POU5F1B: variants seen among roughly 807,000 people sequenced by gnomAD.
POU5F1B encodes the protein POU domain, class 5, transcription factor 1B.
A neutral mutation model predicts 28.1 loss-of-function variants in POU5F1B; 24 were observed. The ratio of observed to expected loss-of-function variants is 0.85; its 90% CI spans 0.62 to 1.20. The LOEUF (loss-of-function observed/expected upper bound fraction) is 1.20, where lower values mean the gene tolerates loss of function less well. POU5F1B is among the 50% of genes most tolerant of loss of function. The pLI is 0.00. For synonymous variants in POU5F1B, 220 were observed against 193.2 expected (o/e 1.14, Z -1.15); for missense variants, 451 against 451.5 (o/e 1.00, Z 0.01).
chr8:127,414,414 C>A (rs1218685053), intron 1 of POU5F1B, among the ~76,000 whole-genome samples: 1 of 152,124 alleles, frequency 6.6e-6, no homozygotes, highest in East Asian at 1.9e-4. Flanking sequence ...AAGAGGGTTG[C>A]CACATTATGT....
At chr8:127,415,459 A>G in exon 3 of POU5F1B, 1 of 169,488 alleles carries the variant, frequency 5.9e-6, no homozygotes, top group East Asian at 1.5e-4. Flanking sequence ...AGAATCAGAA[A>G]GAAGGACACA....
Position 127,417,100 on chromosome 8 carries a change from C to A in POU5F1B, c.*154C>A. ...GTGGGGGCAGGGGAGTTTGGGGCAA[C>A]TGGTTGGAGGGAAGGTGAAGTTCAA... On this transcript the variant is annotated 3_prime_UTR_variant, in exon 3 of 3. Coordinates refer to ENST00000465342, the Ensembl canonical transcript of POU5F1B. 4 of 1,068,906 alleles carry A rather than the reference C, an allele frequency of 3.7e-6. No individual in the cohort carries two copies. In the South Asian group the frequency reaches 6.7e-5, roughly 18 times the overall value. The allele number at this position is 1,068,906 out of a possible 1,614,324, so 66.2% of individuals were successfully genotyped here. A position where few individuals can be genotyped will look rare whatever the true frequency, so the allele number is the denominator to read the frequency against.
In POU5F1B at chr8:127,416,094, TG is replaced by T. The variant is rs780624994; in HGVS notation, c.231del (p.Pro78LeufsTer7). 1.1e-4 allele frequency: 182 copies of T among 1,612,976 alleles called. No individual in the cohort carries two copies. The highest frequency in any genetic ancestry group is 1.5e-4 in the Non-Finnish European group (172 of 1,179,790). On this transcript the variant is annotated frameshift_variant, in exon 3 of 3. Transcript: ENST00000465342. LOFTEE classifies it high-confidence loss of function. Reference sequence around the variant, plus strand: ...AGTTATGTGGGGGGATGGCGTACTGTGGGCCTCAGGTTGGAGTGGGGCTAGT... The same window carrying T: ...AGTTATGTGGGGGGATGGCGTACTGTGGCCTCAGGTTGGAGTGGGGCTAGT...
rs547856508 is a variant in POU5F1B at position 127,417,145 on chromosome 8, C to T, written c.*199C>T. 19 of 700,412 alleles carry T rather than the reference C, an allele frequency of 2.7e-5. No individual in the cohort carries two copies. The East Asian group carries it at 5.3e-4, about 20-fold the overall frequency. The allele number at this position is 700,412 out of a possible 1,614,324, so 43.4% of individuals were successfully genotyped here. A position where few individuals can be genotyped will look rare whatever the true frequency, so the allele number is the denominator to read the frequency against. On this transcript the variant is annotated 3_prime_UTR_variant, in exon 3 of 3. Transcript: ENST00000465342. ...GTTCAATGATGCTCTTGATTTTAAT[C>T]CCACATCATGTATCACTTTTTTCTT...
exon 3 of POU5F1B, chr8:127,417,082 C>T: frequency 7.8e-7 from 1 of 1,281,314 alleles, no homozygotes; most frequent in Non-Finnish European, 1.1e-6. Flanking sequence ...AGGGTGGGGG[C>T]AGGGGAGTTT....
exon 3 of POU5F1B, chr8:127,416,756 T>C (rs1425042404): frequency 1.9e-6 from 3 of 1,607,698 alleles, no homozygotes; most frequent in East Asian, 2.2e-5. Context: ...CGAGAGGATT[T>C]TGAGGCTGCT....
At chr8:127,414,238 G>C (rs909445796) in intron 1 of POU5F1B, among the ~76,000 whole-genome samples, 1 of 152,198 alleles carries the variant, frequency 6.6e-6, no homozygotes, top group African/African-American at 2.4e-5. Flanking sequence ...TCTAATTTCT[G>C]TAACAAGTAA....
chr8:127,417,148 A>ACAT (rs1355251022), exon 3 of POU5F1B: 1 of 684,896 alleles, frequency 1.5e-6, no homozygotes, highest in Non-Finnish European at 2.4e-6. Context: ...TTTTAATCCC[A>ACAT]CATCATGTAT....
intron 1 of POU5F1B, chr8:127,414,880 T>C (rs1172293473): frequency 1.3e-5 from 2 of 152,250 alleles, no homozygotes; most frequent in Non-Finnish European, 2.9e-5. Flanking sequence ...CTGCTCTCTC[T>C]TTCTTAGGTC....
At chr8:127,416,288 C>T (rs1348926414) in exon 3 of POU5F1B, 6 of 1,613,714 alleles carry the variant, frequency 3.7e-6, no homozygotes, top group Admixed American at 1.7e-5. Flanking sequence ...GACATCAAAG[C>T]TCTGCAGAAA....
exon 3 of POU5F1B, chr8:127,416,695 T>C (rs762957047): frequency 1.2e-6 from 2 of 1,608,948 alleles, no homozygotes; most frequent in Admixed American, 1.7e-5. Flanking sequence ...CCGAGTGTGG[T>C]TCTGTAACCG....
At chr8:127,415,803 T>G in exon 3 of POU5F1B, 1 of 1,461,208 alleles carries the variant, frequency 6.8e-7, no homozygotes, top group Non-Finnish European at 9.0e-7. Context: ...CACAGAGCTT[T>G]CAATGAAAAG....
chr8:127,417,211 G>GAAAGA (rs10528512), exon 3 of POU5F1B: 168,507 of 286,654 alleles, frequency 0.59, 48,645 homozygotes, highest in Non-Finnish European at 0.59. Flanking sequence ...AAAAAAAAAA[G>GAAAGA]AAAGAAAAGA....
chr8:127,416,999 G>A (rs1182501314), exon 3 of POU5F1B: 5 of 1,566,274 alleles, frequency 3.2e-6, no homozygotes, highest in Non-Finnish European at 4.3e-6. Context: ...GCTAGGGAAA[G>A]AGAACCTGGA....
chr8:127,416,233 A>C lies in POU5F1B; in HGVS notation c.367A>C (p.Lys123Gln). 3 of 1,613,902 alleles carry C rather than the reference A, an allele frequency of 1.9e-6. No individual in the cohort carries two copies. The East Asian group carries it at 6.7e-5, about 36-fold the overall frequency. ...CTGCACCGTCCCCCCTGGTGCCGTG[A>C]AGCTGGAGAAGGAGAAGCTAGAGCA... The change falls in exon 3 of 3, where the codon AAG becomes CAG. Residue 123 changes from lysine to glutamine, a missense_variant. Lys to Gln is a moderately conservative substitution (Grantham distance 53). Coordinates refer to ENST00000465342, the Ensembl canonical transcript of POU5F1B.
At chr8:127,416,134 T>C (rs1376864344) in exon 3 of POU5F1B, 9 of 1,613,598 alleles carry the variant, frequency 5.6e-6, no homozygotes, top group East Asian at 4.5e-5. Flanking sequence ...CCAAGGCGGC[T>C]TGGAGACCTC....
At chr8:127,416,077 G>T (rs535674373) in exon 3 of POU5F1B, 6 of 1,611,306 alleles carry the variant, frequency 3.7e-6, no homozygotes, top group African/African-American at 1.4e-5. Flanking sequence ...TGAGTTATGT[G>T]GGGGGATGGC....
At position 127,414,624 on chromosome 8, in the gene POU5F1B, C is replaced by T. The variant is rs564157480; in HGVS notation, c.-559-264C>T. 2.0e-5 allele frequency among the ~76,000 whole-genome samples: 3 copies of T among 152,334 alleles called. No individual in the cohort carries two copies. In the East Asian group the frequency reaches 5.8e-4, roughly 29 times the overall value. ...CCTGTCTTATTCTAAAGCCCCTTCTCTTTTCACAATCCCTTTAAGAAATGG... is the reference window on the plus strand; with the variant it reads ...CCTGTCTTATTCTAAAGCCCCTTCTTTTTTCACAATCCCTTTAAGAAATGG... On this transcript the variant is annotated intron_variant, in intron 1 of 2. Transcript: ENST00000465342.
chr8:127,415,435 A>T (rs1438757968), intron 2 of POU5F1B: 1 of 159,308 alleles, frequency 6.3e-6, no homozygotes, highest in Non-Finnish European at 1.4e-5. Flanking sequence ...TTTCCCCACA[A>T]TCTGCAGGAA....
Sources: allele counts gnomAD v4.1 joint callset (sites outside exome capture counted in the v4.1 genomes callset), GRCh38; gene constraint gnomAD v4.1.1; transcripts MANE v1.5; gene names NCBI Gene and HGNC (gene_info 2026-07-23, HGNC 2026-07-21).